Variants in GNG11 observed in about 807,000 individuals in gnomAD.
GNG11 encodes G protein subunit gamma 11, also known as guanine nucleotide-binding protein G(I)/G(S)/G(O) subunit gamma-11.
Under a neutral mutation model 7.4 loss-of-function variants are expected in GNG11, and 6 were observed. The ratio of observed to expected loss-of-function variants is 0.81; its 90% CI spans 0.44 to 1.60. The LOEUF is 1.60. Among genes scored for constraint, GNG11 ranks in the 40% most tolerant of loss-of-function variants. The pLI is 0.01. For synonymous variants in GNG11, 31 were observed against 25.9 expected (o/e 1.20, Z -0.60); for missense variants, 65 against 83.0 (o/e 0.78, Z 0.84).
chr7:93,922,813 T>A (rs1794633435), intron 1 of GNG11, among the ~76,000 whole-genome samples: 1 of 152,214 alleles, frequency 6.6e-6, no homozygotes, highest in Non-Finnish European at 1.5e-5. Flanking sequence ...CAGTAGTATC[T>A]GTACTTATTT....
chr7:93,923,817 A>G (rs1794644825), intron 1 of GNG11, among the ~76,000 whole-genome samples: 1 of 152,196 alleles, frequency 6.6e-6, no homozygotes, highest in African/African-American at 2.4e-5. Flanking sequence ...GGCCTGTGGC[A>G]TCAACTTCCC....
Position 93,926,907 on chromosome 7 carries a change from T to C in GNG11, c.*691T>C, listed in dbSNP as rs1794686647. On this transcript the variant is annotated 3_prime_UTR_variant, in exon 2 of 2. Transcript: ENST00000248564. ...GAGTTGGGGTTCAGGAAGAGTGCCC[T>C]GCCTCTCTGCCGTGTAGTGGCCAGG... 2 of 152,374 alleles carry C rather than the reference T, an allele frequency of 1.3e-5. No individual in the cohort carries two copies. Among genetic ancestry groups the C allele is most frequent in the Non-Finnish European group, 2.9e-5 (2 of 68,176 alleles). 9.4% of individuals were successfully genotyped at this position (152,374 alleles called of 1,614,324 possible).
In GNG11 at chr7:93,921,763, C is replaced by T. The variant is rs746543913; in HGVS notation, c.-375C>T. The stretch of plus-strand genomic sequence containing the variant: ...CCTGCAGCCCCAGCCCAGCCGTCCC[C>T]CGCGGGCGTGGCAGGTCCTGAGTCA... On this transcript the variant is annotated 5_prime_UTR_variant, in exon 1 of 2. Transcript: ENST00000248564. 1.9e-4 allele frequency: 32 copies of T among 165,124 alleles called. No individual in the cohort carries two copies. The highest frequency in any genetic ancestry group is 3.4e-4 in the Non-Finnish European group (26 of 76,926). The allele number at this position is 165,124 out of a possible 1,614,324, so 10.2% of individuals were successfully genotyped here. A position where few individuals can be genotyped will look rare whatever the true frequency, so the allele number is the denominator to read the frequency against.
chr7:93,928,085 G>A lies in GNG11; in HGVS notation c.*1869G>A, dbSNP rs1295158380. 2 of 150,692 alleles carry A rather than the reference G, an allele frequency of 1.3e-5. No homozygotes were observed. The highest frequency in any genetic ancestry group is 2.9e-5 in the Non-Finnish European group (2 of 68,002). 9.3% of individuals were successfully genotyped at this position (150,692 alleles called of 1,614,324 possible). The stretch of plus-strand genomic sequence containing the variant: ...AAGCAAACATTTATTCCGGTTACTG[G>A]CAAGGCAGTTTAAATCACCTGCTTC... On this transcript the variant is annotated 3_prime_UTR_variant, in exon 2 of 2. Transcript: ENST00000248564.
chr7:93,925,036 C>T (rs895781176), intron 1 of GNG11, among the ~76,000 whole-genome samples: 7 of 152,068 alleles, frequency 4.6e-5, no homozygotes, highest in East Asian at 1.9e-4. Flanking sequence ...TGGTGGTGGG[C>T]GCCTGTAGTC....
chr7:93,923,171 A>C (rs1366937243), intron 1 of GNG11, among the ~76,000 whole-genome samples: 1 of 152,208 alleles, frequency 6.6e-6, no homozygotes, highest in Non-Finnish European at 1.5e-5. Flanking sequence ...TTAGCACTAG[A>C]AAAAATTAAG....
At chr7:93,922,380 G>A (rs1794626762) in intron 1 of GNG11, 147 bp downstream of exon 1, 3 of 488,284 alleles carry the variant, frequency 6.1e-6, no homozygotes, top group Non-Finnish European at 1.1e-5. Context: ...AGTGCCTGGG[G>A]ACTGCCAGCT....
In GNG11 at chr7:93,922,244, T is replaced by C. The variant is rs759549045; in HGVS notation, c.96+11T>C. On this transcript the variant is annotated intron_variant, in intron 1 of 1. Transcript: ENST00000248564. ...TTGCAGAGACAACAAGTAAGTTGGCTGTTCCGGAATATTTCCTTCTCTGAA... is the reference window on the plus strand; with the variant it reads ...TTGCAGAGACAACAAGTAAGTTGGCCGTTCCGGAATATTTCCTTCTCTGAA... 3 of 1,484,990 alleles carry C rather than the reference T, an allele frequency of 2.0e-6. No individual in the cohort carries two copies. Among genetic ancestry groups the C allele is most frequent in the South Asian group, 1.2e-5 (1 of 82,454 alleles). 92.0% of individuals were successfully genotyped at this position (1,484,990 alleles called of 1,614,324 possible). A position where few individuals can be genotyped will look rare whatever the true frequency, so the allele number is the denominator to read the frequency against.
Position 93,926,410 on chromosome 7 carries a change from G to A in GNG11, c.*194G>A. On this transcript the variant is annotated 3_prime_UTR_variant, in exon 2 of 2. Transcript: ENST00000248564. ...TCACTATGCAGTCTTTTTTAAGAGAGCAGAGAGTATCAGATGTACAATTAT... is the reference window on the plus strand; with the variant it reads ...TCACTATGCAGTCTTTTTTAAGAGAACAGAGAGTATCAGATGTACAATTAT... The A allele has an allele frequency of 2.7e-6, 1 of 376,680 alleles. No individual in the cohort carries two copies. Among genetic ancestry groups the A allele is most frequent in the South Asian group, 8.4e-5 (1 of 11,890 alleles). The allele number at this position is 376,680 out of a possible 1,614,324, so 23.3% of individuals were successfully genotyped here.
At position 93,926,857 on chromosome 7, in the gene GNG11, T is replaced by C. The variant is rs1794686189; in HGVS notation, c.*641T>C. 6.6e-6 allele frequency: 1 copy of C among 152,290 alleles called. No individual in the cohort carries two copies. Among genetic ancestry groups the C allele is most frequent in the Non-Finnish European group, 1.5e-5 (1 of 68,086 alleles). The allele number at this position is 152,290 out of a possible 1,614,324, so 9.4% of individuals were successfully genotyped here. On this transcript the variant is annotated 3_prime_UTR_variant, in exon 2 of 2. Coordinates refer to ENST00000248564, the MANE Select transcript of GNG11 (RefSeq NM_004126.4). ...TTAGATCTTCTTAATAGTGTTCCTG[T>C]AGTAGTAGCCTTGAAGAAAATACTG...
rs774550492 is a variant in GNG11 at position 93,926,243 on chromosome 7, G to C, written c.*27G>C. ...TAACTTGGGAGAAACTGCATCCTAAGTGGAAGAACTAGTTTGTTTTAGTTT... is the reference window on the plus strand; with the variant it reads ...TAACTTGGGAGAAACTGCATCCTAACTGGAAGAACTAGTTTGTTTTAGTTT... On this transcript the variant is annotated 3_prime_UTR_variant, in exon 2 of 2. Transcript: ENST00000248564. 10 of 1,536,168 alleles carry C rather than the reference G, an allele frequency of 6.5e-6. No individual in the cohort carries two copies. The highest frequency in any genetic ancestry group is 7.9e-6 in the Non-Finnish European group (9 of 1,141,440).
intron 1 of GNG11, among the ~76,000 whole-genome samples, chr7:93,925,088 C>CT (rs1794659432): frequency 6.6e-6 from 1 of 152,084 alleles, no homozygotes; most frequent in African/African-American, 2.4e-5. Context: ...GGCTAGAATC[C>CT]GGGAGGCGGA....
chr7:93,922,791 A>G (rs957083459), intron 1 of GNG11, among the ~76,000 whole-genome samples: 1 of 152,214 alleles, frequency 6.6e-6, no homozygotes, highest in Non-Finnish European at 1.5e-5. Context: ...TTTTATTAGT[A>G]TGCGATTAAT....
rs1794711641 is a variant in GNG11, at chr7:93,928,491, G to A, written c.*2275G>A. On this transcript the variant is annotated 3_prime_UTR_variant, in exon 2 of 2. Coordinates refer to ENST00000248564, the MANE Select transcript of GNG11 (RefSeq NM_004126.4). ...CATCCACTATATATTTAGATATATT[G>A]TAAATGTAACCTTTGGTGACTGATA... 6.6e-6 allele frequency: 1 copy of A among 152,120 alleles called. No individual in the cohort carries two copies. The highest frequency in any genetic ancestry group is 6.5e-5 in the Admixed American group (1 of 15,280). 9.4% of individuals were successfully genotyped at this position (152,120 alleles called of 1,614,324 possible).
At chr7:93,922,853 T>G (rs1461489808) in intron 1 of GNG11, among the ~76,000 whole-genome samples, 1 of 152,228 alleles carries the variant, frequency 6.6e-6, no homozygotes, top group African/African-American at 2.4e-5. Flanking sequence ...CTGTGGTGCA[T>G]ATGAAAAATT....
rs1306132527 is a variant in GNG11, at chr7:93,927,906, G to A, written c.*1690G>A. The A allele has an allele frequency of 1.3e-5, 2 of 152,148 alleles. No homozygotes were observed. The highest frequency in any genetic ancestry group is 2.4e-5 in the African/African-American group (1 of 41,422). 9.4% of individuals were successfully genotyped at this position (152,148 alleles called of 1,614,324 possible). On this transcript the variant is annotated 3_prime_UTR_variant, in exon 2 of 2. Coordinates refer to ENST00000248564, the MANE Select transcript of GNG11 (RefSeq NM_004126.4). ...GGAAGGATTTAGGAATAGTAAAGGT[G>A]TATTTCTTCCAAACAGCATAGAACT...
Position 93,927,310 on chromosome 7 carries a change from C to G in GNG11, c.*1094C>G, listed in dbSNP as rs1243147175. On this transcript the variant is annotated 3_prime_UTR_variant, in exon 2 of 2. Transcript: ENST00000248564. The stretch of plus-strand genomic sequence containing the variant: ...TCAGTGGTTTTATCCTGCAGGGCAA[C>G]ACGTCAGAGTATAACTCCTGCTCAA... 6.6e-6 allele frequency: 1 copy of G among 152,198 alleles called. No individual in the cohort carries two copies. Among genetic ancestry groups the G allele is most frequent in the Non-Finnish European group, 1.5e-5 (1 of 68,042 alleles). 9.4% of individuals were successfully genotyped at this position (152,198 alleles called of 1,614,324 possible).
chr7:93,925,974 A>T, intron 1 of GNG11, 117 bp from the exon 2 acceptor site: 1 of 401,868 alleles, frequency 2.5e-6, no homozygotes, highest in Admixed American at 3.7e-5. Flanking sequence ...TATATATGTA[A>T]ATGTAAAAAA....
At chr7:93,925,104 C>T (rs932064869) in intron 1 of GNG11, among the ~76,000 whole-genome samples, 10 of 152,130 alleles carry the variant, frequency 6.6e-5, no homozygotes, top group African/African-American at 2.2e-4. Flanking sequence ...GCGGAGCTTG[C>T]AGTGAGCCGA....
Sources: allele counts gnomAD v4.1 joint callset (sites outside exome capture counted in the v4.1 genomes callset), GRCh38; gene constraint gnomAD v4.1.1; transcripts MANE v1.5; gene names NCBI Gene and HGNC (gene_info 2026-07-23, HGNC 2026-07-21).